NRXN3: variants seen among roughly 807,000 people sequenced by gnomAD.
NRXN3 encodes neurexin 3.
NRXN3 carries 32 observed loss-of-function variants against 137.6 expected under a neutral mutation model. That is an observed-to-expected ratio of 0.23 (90% CI 0.18 to 0.31). NRXN3 has a LOEUF of 0.31. Ranked by LOEUF, NRXN3 falls within the 10% of genes least tolerant of loss-of-function variation. The pLI, the probability that NRXN3 is intolerant of heterozygous loss-of-function variation, is 1.00. For missense variants in NRXN3, 1,574 were observed against 2,062.5 expected (o/e 0.76, Z 4.59); for synonymous variants, 798 against 784.5 (o/e 1.02, Z -0.29).
chr14:79,078,037 G>A (rs10148388), intron 15 of NRXN3, among the ~76,000 whole-genome samples: 49,952 of 151,996 alleles, frequency 0.33, 8,709 homozygotes, highest in Admixed American at 0.47. Context: ...AATAAAGCTG[G>A]TATTTATATT....
At chr14:78,603,038 T>A (rs1019899824) in intron 4 of NRXN3, among the ~76,000 whole-genome samples, 7 of 152,184 alleles carry the variant, frequency 4.6e-5, no homozygotes, top group African/African-American at 1.7e-4. Flanking sequence ...CAACCATTTC[T>A]TGGCACTTTT....
chr14:78,220,718 C>A (rs2153424158), intron 1 of NRXN3, among the ~76,000 whole-genome samples: 1 of 152,020 alleles, frequency 6.6e-6, no homozygotes, highest in Non-Finnish European at 1.5e-5. Context: ...AACAGGGTCC[C>A]AGGGAGGTGG....
chr14:79,521,581 A>C lies in NRXN3; in HGVS notation c.3444+54179A>C, dbSNP rs2097065367. On this transcript the variant is annotated intron_variant, in intron 16 of 20. Transcript: ENST00000335750. ...CATCTTTCTTAATATTTAATACAGA[A>C]AAAAACATGCATGTATTAAAATTAA... Among the ~76,000 whole-genome samples the C allele has an allele frequency of 3.3e-5, 5 of 152,254 alleles. No homozygotes were observed. The South Asian group carries it at 1.0e-3, about 32-fold the overall frequency.
At chr14:79,498,833 G>C (rs976983231) in intron 16 of NRXN3, among the ~76,000 whole-genome samples, 2 of 152,142 alleles carry the variant, frequency 1.3e-5, no homozygotes, top group African/African-American at 4.8e-5. Context: ...GTCCCATGCT[G>C]GAGTGCAGTG....
intron 15 of NRXN3, among the ~76,000 whole-genome samples, chr14:79,240,037 T>G (rs11628489): frequency 7.2e-5 from 11 of 151,984 alleles, no homozygotes; most frequent in Non-Finnish European, 1.2e-4. Flanking sequence ...GTTGGTCAAA[T>G]GGTAAAAAAT....
At chr14:78,388,016 A>C (rs2090224766) in intron 4 of NRXN3, among the ~76,000 whole-genome samples, 2 of 151,980 alleles carry the variant, frequency 1.3e-5, no homozygotes, top group Non-Finnish European at 2.9e-5. Context: ...AGCAGAACTC[A>C]CTCTCATACT....
intron 20 of NRXN3, among the ~76,000 whole-genome samples, chr14:79,820,683 CTCCATTGTCTGTCGTT>C (rs113184877): frequency 0.59 from 89,472 of 151,588 alleles, 26,744 homozygotes; most frequent in African/African-American, 0.69. Context: ...CTCAAGTAGA[CTCCATTGTCTGTCGTT>C]TCCTTGTGTT....
intron 19 of NRXN3, among the ~76,000 whole-genome samples, chr14:79,731,959 G>A (rs1001311101): frequency 4.7e-4 from 71 of 150,940 alleles, no homozygotes; most frequent in African/African-American, 1.7e-3. Flanking sequence ...CCAATATTTT[G>A]GCAGTGGTTG....
At chr14:79,280,638 A>G (rs969021957) in intron 15 of NRXN3, 12 of 1,182,460 alleles carry the variant, frequency 1.0e-5, no homozygotes, top group African/African-American at 1.5e-5. Context: ...ATTTAAAAAA[A>G]ATGAATTTAA....
intron 4 of NRXN3, among the ~76,000 whole-genome samples, chr14:78,467,587 T>C (rs1245207164): frequency 1.3e-5 from 2 of 152,228 alleles, no homozygotes; most frequent in African/African-American, 4.8e-5. Flanking sequence ...ACTTATTGTT[T>C]ATGCAGTGAA....
chr14:79,590,369 C>T (rs2097792676), intron 16 of NRXN3, among the ~76,000 whole-genome samples: 1 of 142,526 alleles, frequency 7.0e-6, no homozygotes, highest in Admixed American at 7.2e-5. Context: ...GTGAGGCCTC[C>T]CCAGCGATGT....
chr14:79,645,385 G>A (rs1473364475), intron 16 of NRXN3, among the ~76,000 whole-genome samples: 2 of 134,328 alleles, frequency 1.5e-5, no homozygotes, highest in African/African-American at 4.9e-5. Flanking sequence ...GGAGGCCGAG[G>A]TAGGTAGATC....
At chr14:78,938,166 C>T (rs1444873159) in intron 10 of NRXN3, among the ~76,000 whole-genome samples, 1 of 152,178 alleles carries the variant, frequency 6.6e-6, no homozygotes, top group African/African-American at 2.4e-5. Context: ...CACCATATCC[C>T]CTTGATTAAA....
At position 78,879,183 on chromosome 14, in the gene NRXN3, A is replaced by G. The variant is rs546704307; in HGVS notation, c.2275+68839A>G. Among the ~76,000 whole-genome samples, 3 of 152,304 alleles carry G rather than the reference A, an allele frequency of 2.0e-5. No homozygotes were observed. In the South Asian group the frequency reaches 6.2e-4, roughly 32 times the overall value. On this transcript the variant is annotated intron_variant, in intron 10 of 20. Coordinates refer to ENST00000335750, the MANE Select transcript of NRXN3 (RefSeq NM_001330195.2). ...CTGCAGTGAATGTTGGACTGCAGAT[A>G]TCTCTTTGTCATTCTGAATTCTTTT...
chr14:78,688,007 G>T (rs999346942), intron 6 of NRXN3, among the ~76,000 whole-genome samples: 2 of 152,180 alleles, frequency 1.3e-5, no homozygotes, highest in African/African-American at 4.8e-5. Context: ...GGGGGGATGT[G>T]AAATCCATAT....
At chr14:78,924,197 C>T (rs904589579) in intron 10 of NRXN3, among the ~76,000 whole-genome samples, 8 of 152,140 alleles carry the variant, frequency 5.3e-5, no homozygotes, top group South Asian at 2.1e-4. Flanking sequence ...TGCAGTGAGC[C>T]GAGATCGTGC....
chr14:79,599,487 C>A (rs1181937282), intron 16 of NRXN3, among the ~76,000 whole-genome samples: 1 of 151,576 alleles, frequency 6.6e-6, no homozygotes, highest in Non-Finnish European at 1.5e-5. Context: ...TGTTACACCC[C>A]AACCTAAAAC....
rs190845162 is a variant in NRXN3 at position 79,007,420 on chromosome 14, A to G, written c.3262+19279A>G. 1.4e-3 allele frequency among the ~76,000 whole-genome samples: 214 copies of G among 151,912 alleles called. No homozygotes were observed. In the East Asian group the frequency reaches 0.02, roughly 14 times the overall value. ...GTTAGGGACAGTTCAGCCATGTTAC[A>G]TACCTAGAATTGTCTCTGAAAAAAA... On this transcript the variant is annotated intron_variant, in intron 15 of 20. Coordinates refer to ENST00000335750, the MANE Select transcript of NRXN3 (RefSeq NM_001330195.2).
In NRXN3 at chr14:79,510,461, T is replaced by C. The variant is rs148416393; in HGVS notation, c.3444+43059T>C. Among the ~76,000 whole-genome samples the C allele has an allele frequency of 1.5e-4, 23 of 152,234 alleles. No individual in the cohort carries two copies. The East Asian group carries it at 4.3e-3, about 28-fold the overall frequency. On this transcript the variant is annotated intron_variant, in intron 16 of 20. Coordinates refer to ENST00000335750, the MANE Select transcript of NRXN3 (RefSeq NM_001330195.2). ...CCAGGTTACAAGAAGCAAACACCTA[T>C]CCCACCGATTCAGAATACCTTGCCT...
Sources: gnomAD v4.1 joint callset for allele counts (sites outside exome capture counted in the v4.1 genomes callset) on GRCh38, gnomAD v4.1.1 for gene constraint, MANE v1.5 for transcripts, NCBI Gene and HGNC (gene_info 2026-07-23, HGNC 2026-07-21) for gene names.